The following SLC16A9 variants were observed in gnomAD, a reference collection of about 807,000 sequenced individuals.
SLC16A9 encodes the protein monocarboxylate transporter 9.
SLC16A9 carries 26 observed loss-of-function variants against 44.3 expected under a neutral mutation model. That is an observed-to-expected ratio of 0.59 (90% CI 0.43 to 0.81). The LOEUF is 0.81. SLC16A9 is among the 40% of genes least tolerant of loss of function. The pLI is 0.00. For synonymous variants in SLC16A9, 230 were observed against 225.1 expected, an observed-to-expected ratio of 1.02 and a Z score of -0.19; for missense variants, 559 against 595.8, an observed-to-expected ratio of 0.94 and a Z score of 0.64.
chr10:59,698,882 C>T (rs1036175520), intron 1 of SLC16A9, among the ~76,000 whole-genome samples: 2 of 152,126 alleles, frequency 1.3e-5, no homozygotes, highest in African/African-American at 4.8e-5. Flanking sequence ...GGATTACAGG[C>T]ATCCGCCACC....
intron 1 of SLC16A9, chr10:59,708,874 G>A (rs16914004): frequency 0.021 from 3,260 of 152,566 alleles, 140 homozygotes; most frequent in African/African-American, 0.074. Context: ...TGCCTCCTGC[G>A]GCGGTGGCGA....
In SLC16A9 at chr10:59,684,106, G is replaced by A. The variant is rs1450201243; in HGVS notation, c.186C>T (p.Gly62=). 1 of 1,611,756 alleles carries A rather than the reference G, an allele frequency of 6.2e-7. No homozygotes were observed. Among genetic ancestry groups the A allele is most frequent in the East Asian group, 2.2e-5 (1 of 44,842 alleles). ...AWVGSLASGV[G]LLASPVCSLC... is the part of the protein sequence containing the mutation. The stretch of plus-strand genomic sequence containing the variant: ...AATTTATCCACTTACTTGCAAGCAA[G>A]CCAACTCCACTTGCCAGGGATCCAA... Residue 62 remains glycine, a synonymous_variant, in exon 2 of 6, where the codon GGC becomes GGT. Coordinates refer to ENST00000395348, the MANE Select transcript of SLC16A9 (RefSeq NM_194298.3).
intron 2 of SLC16A9, among the ~76,000 whole-genome samples, chr10:59,683,605 CA>C (rs1461689248): frequency 6.6e-6 from 1 of 152,106 alleles, no homozygotes; most frequent in Non-Finnish European, 1.5e-5. Context: ...GTGATTTGAC[CA>C]CAGTGTATCT....
At chr10:59,668,376 C>T (rs1253577597) in intron 3 of SLC16A9, among the ~76,000 whole-genome samples, 1 of 152,192 alleles carries the variant, frequency 6.6e-6, no homozygotes, top group Non-Finnish European at 1.5e-5. Flanking sequence ...ACCATCCCCA[C>T]TCCCCTTCCA....
chr10:59,696,445 T>A (rs1367022519), intron 1 of SLC16A9, among the ~76,000 whole-genome samples: 2 of 152,182 alleles, frequency 1.3e-5, no homozygotes, highest in Admixed American at 6.5e-5. Context: ...GCGTGATCTC[T>A]GCTCGCTACA....
In SLC16A9 at chr10:59,662,753, A is replaced by G. The variant is rs568298705; in HGVS notation, c.436+1474T>C. 4.6e-5 allele frequency among the ~76,000 whole-genome samples: 7 copies of G among 152,254 alleles called. No homozygotes were observed. In the East Asian group the frequency reaches 1.3e-3, roughly 29 times the overall value. ...AAATGCAAATCAAAACCACAATGAG[A>G]TACAATCTCATGCCAGTTAGAATGG... On this transcript the variant is annotated intron_variant, in intron 4 of 5. Coordinates refer to ENST00000395348, the MANE Select transcript of SLC16A9 (RefSeq NM_194298.3).
Position 59,651,355 on chromosome 10 carries a change from A to G in SLC16A9, c.*1417T>C, listed in dbSNP as rs1008573881. ...CCTCCTATTTAAAGAACACTTGGCT[A>G]TTGGTTTATAAAATCCCCTGACCTC... On this transcript the variant is annotated 3_prime_UTR_variant, in exon 6 of 6. Coordinates refer to ENST00000395348, the MANE Select transcript of SLC16A9 (RefSeq NM_194298.3). 4 of 152,172 alleles carry G rather than the reference A, an allele frequency of 2.6e-5. No individual in the cohort carries two copies. Among genetic ancestry groups the G allele is most frequent in the Non-Finnish European group, 4.4e-5 (3 of 68,026 alleles). The allele number at this position is 152,172 out of a possible 1,614,324, so 9.4% of individuals were successfully genotyped here.
chr10:59,670,365 G>A (rs1275118085), intron 3 of SLC16A9, among the ~76,000 whole-genome samples: 2 of 152,210 alleles, frequency 1.3e-5, no homozygotes, highest in Non-Finnish European at 2.9e-5. Flanking sequence ...ATGCTAGCTA[G>A]CATTCATTGC....
intron 4 of SLC16A9, among the ~76,000 whole-genome samples, chr10:59,663,230 A>G (rs1588966076): frequency 6.6e-6 from 1 of 152,232 alleles, no homozygotes; most frequent in East Asian, 1.9e-4. Flanking sequence ...GCTTGGTGGC[A>G]CATGCCTATA....
intron 1 of SLC16A9, among the ~76,000 whole-genome samples, chr10:59,702,057 C>A (rs1840535625): frequency 6.6e-6 from 1 of 152,230 alleles, no homozygotes; most frequent in Non-Finnish European, 1.5e-5. Context: ...GAAAGCTCAA[C>A]AAATCTGTAT....
chr10:59,684,926 C>T (rs1468919173), intron 1 of SLC16A9, among the ~76,000 whole-genome samples: 1 of 152,158 alleles, frequency 6.6e-6, no homozygotes, highest in African/African-American at 2.4e-5. Flanking sequence ...GGTGAGGCGG[C>T]TCCCTTCAAA....
intron 1 of SLC16A9, among the ~76,000 whole-genome samples, chr10:59,698,176 T>C (rs1161872353): frequency 6.6e-6 from 1 of 152,224 alleles, no homozygotes; most frequent in African/African-American, 2.4e-5. Context: ...TCTAGGGCTT[T>C]GGAAACTTTT....
In SLC16A9 at chr10:59,693,659, G is replaced by A. The variant is rs192305419; in HGVS notation, c.-36-9332C>T. Among the ~76,000 whole-genome samples, 849 of 151,790 alleles carry A rather than the reference G, an allele frequency of 5.6e-3. 6 individuals are homozygous for A. The highest frequency in any genetic ancestry group is 0.02 in the African/African-American group (810 of 41,366). On this transcript the variant is annotated intron_variant, in intron 1 of 5. Transcript: ENST00000395348. ...TTTTGAGATGGAGTCTCACTCTTTC[G>A]CCCAGGCTGGAGTGCAGTGGCGTGA...
chr10:59,669,113 G>C (rs977054844), intron 3 of SLC16A9, among the ~76,000 whole-genome samples: 1 of 152,136 alleles, frequency 6.6e-6, no homozygotes, highest in Non-Finnish European at 1.5e-5. Context: ...ACCATAATCA[G>C]CTAGCTAAAT....
intron 1 of SLC16A9, among the ~76,000 whole-genome samples, chr10:59,707,280 AAGGGAAG>A (rs1840662186): frequency 8.4e-5 from 2 of 23,678 alleles, no homozygotes; most frequent in African/African-American, 3.9e-4. Context: ...GAGAGGAGGG[AAGGGAAG>A]GGAAGGGAAG....
intron 4 of SLC16A9, among the ~76,000 whole-genome samples, chr10:59,656,199 T>C (rs1283270164): frequency 1.3e-5 from 2 of 152,184 alleles, no homozygotes; most frequent in African/African-American, 4.8e-5. Context: ...TGGCATATAC[T>C]GTAAAAGTTA....
chr10:59,706,650 C>CACACACACACACACACACAT (rs1426503455), intron 1 of SLC16A9, among the ~76,000 whole-genome samples: 24 of 151,962 alleles, frequency 1.6e-4, no homozygotes, highest in African/African-American at 5.8e-4. Flanking sequence ...CACACACACA[C>CACACACACACACACACACAT]ACAATAGGAG....
At chr10:59,653,050 A>G in intron 5 of SLC16A9, 100 bp from the exon 6 acceptor site, 1 of 821,600 alleles carries the variant, frequency 1.2e-6, no homozygotes, top group Non-Finnish European at 1.8e-6. Context: ...TATAATTAGT[A>G]TATATATTAC....
chr10:59,703,712 GA>G (rs1840576184), intron 1 of SLC16A9, among the ~76,000 whole-genome samples: 2 of 151,404 alleles, frequency 1.3e-5, no homozygotes, highest in South Asian at 4.2e-4. Context: ...ATGAATTGCT[GA>G]TTTTTTTTTT....
Sources: allele counts gnomAD v4.1 joint callset (sites outside exome capture counted in the v4.1 genomes callset), GRCh38; gene constraint gnomAD v4.1.1; transcripts MANE v1.5; gene names NCBI Gene and HGNC (gene_info 2026-07-23, HGNC 2026-07-21).